The following ZBTB34 variants were observed in gnomAD, a reference collection of about 807,000 sequenced individuals.
ZBTB34 encodes zinc finger and BTB domain containing 34.
ZBTB34 carries 1 observed loss-of-function variant against 33.4 expected under a neutral mutation model. The ratio of observed to expected loss-of-function variants is 0.03; its 90% CI spans 0.01 to 0.14. The LOEUF (loss-of-function observed/expected upper bound fraction) is 0.14. ZBTB34 is among the 10% of genes least tolerant of loss of function. ZBTB34 has a pLI of 1.00. For missense variants in ZBTB34, 406 were observed against 657.2 expected, an observed-to-expected ratio of 0.62 and a Z score of 4.18; for synonymous variants, 283 against 253.5, an observed-to-expected ratio of 1.12 and a Z score of -1.11.
chr9:126,881,016 G>A, exon 2 of ZBTB34: 1 of 1,331,396 alleles, frequency 7.5e-7, no homozygotes, highest in Non-Finnish European at 1.0e-6. Context: ...GAAATCTCTT[G>A]GTCTCTTGGC....
At chr9:126,868,547 G>A (rs2033238492) in intron 1 of ZBTB34, among the ~76,000 whole-genome samples, 1 of 152,134 alleles carries the variant, frequency 6.6e-6, no homozygotes, top group Non-Finnish European at 1.5e-5. Context: ...CACAGCGTGT[G>A]TTCATTTCTC....
At chr9:126,863,787 TAGCCAGCAGTAAG>T (rs2033169344) in intron 1 of ZBTB34, 1 of 845,740 alleles carries the variant, frequency 1.2e-6, no homozygotes. Flanking sequence ...CCTGAAATGC[TAGCCAGCAGTAAG>T]CAGATAAGAT....
At chr9:126,871,668 T>A (rs535030502) in intron 1 of ZBTB34, among the ~76,000 whole-genome samples, 6 of 152,278 alleles carry the variant, frequency 3.9e-5, no homozygotes, top group Non-Finnish European at 8.8e-5. Context: ...GAACAGTTTA[T>A]GCTGATAGAT....
chr9:126,884,073 T>G (rs1413661151), exon 2 of ZBTB34: 2 of 167,070 alleles, frequency 1.2e-5, no homozygotes, highest in Non-Finnish European at 2.9e-5. Flanking sequence ...GATGCAGAAA[T>G]CAATTAAGAT....
intron 1 of ZBTB34, among the ~76,000 whole-genome samples, chr9:126,861,010 C>T (rs1367329335): frequency 6.6e-6 from 1 of 151,944 alleles, no homozygotes; most frequent in Admixed American, 6.5e-5. Flanking sequence ...GTCCCGGCGC[C>T]GCTGGCCCGG....
chr9:126,864,094 C>A (rs2033173223), intron 1 of ZBTB34, among the ~76,000 whole-genome samples: 1 of 152,126 alleles, frequency 6.6e-6, no homozygotes, highest in African/African-American at 2.4e-5. Context: ...CAGTAAGAAT[C>A]CAGCACCAAT....
exon 2 of ZBTB34, chr9:126,883,137 C>G (rs2033467181): frequency 6.0e-6 from 1 of 166,284 alleles, no homozygotes; most frequent in African/African-American, 2.4e-5. Flanking sequence ...TAAATATGTT[C>G]TGGGGTTTCA....
At chr9:126,872,379 A>C (rs574346432) in intron 1 of ZBTB34, among the ~76,000 whole-genome samples, 1 of 152,194 alleles carries the variant, frequency 6.6e-6, no homozygotes, top group East Asian at 1.9e-4. Context: ...TTGCCACTCT[A>C]CTCCAGCCTG....
chr9:126,874,203 G>A (rs1008261814), intron 1 of ZBTB34, among the ~76,000 whole-genome samples: 3 of 150,192 alleles, frequency 2.0e-5, no homozygotes, highest in South Asian at 2.1e-4. Context: ...CACCATGCCC[G>A]GCTAATTTTT....
intron 1 of ZBTB34, among the ~76,000 whole-genome samples, chr9:126,871,285 T>C (rs1340791486): frequency 2.0e-5 from 3 of 151,660 alleles, no homozygotes; most frequent in African/African-American, 7.3e-5. Flanking sequence ...AAGTACGTTG[T>C]GATATAGCCA....
chr9:126,869,753 T>C (rs2033254229), intron 1 of ZBTB34, among the ~76,000 whole-genome samples: 1 of 152,174 alleles, frequency 6.6e-6, no homozygotes, highest in Admixed American at 6.5e-5. Flanking sequence ...TCTCTTTCTT[T>C]GTAAGAAAGT....
chr9:126,867,757 AT>A (rs1443426373), intron 1 of ZBTB34, among the ~76,000 whole-genome samples: 1 of 141,710 alleles, frequency 7.1e-6, no homozygotes, highest in Non-Finnish European at 1.5e-5. Context: ...GTTGTCTTTC[AT>A]TTTTTTGTTT....
chr9:126,882,683 G>A (rs534221136), exon 2 of ZBTB34: 19 of 167,170 alleles, frequency 1.1e-4, no homozygotes, highest in South Asian at 2.1e-4. Context: ...AAAGAAAAAC[G>A]AACGAAGGAC....
intron 1 of ZBTB34, among the ~76,000 whole-genome samples, chr9:126,868,570 G>A (rs531785676): frequency 6.6e-6 from 1 of 152,170 alleles, no homozygotes; most frequent in African/African-American, 2.4e-5. Context: ...AAAGCTGCTC[G>A]CCTTCAGCTG....
intron 1 of ZBTB34, among the ~76,000 whole-genome samples, chr9:126,865,178 C>G (rs141954283): frequency 2.0e-5 from 3 of 152,216 alleles, no homozygotes; most frequent in African/African-American, 7.2e-5. Flanking sequence ...AGCCACCGTG[C>G]TAGATTTTGC....
At chr9:126,874,936 G>T (rs7043218) in intron 1 of ZBTB34, among the ~76,000 whole-genome samples, 1 of 152,144 alleles carries the variant, frequency 6.6e-6, no homozygotes. Context: ...AAAACTGATG[G>T]ATCCCTAGTG....
chr9:126,883,703 A>G (rs950702973), exon 2 of ZBTB34: 2 of 167,020 alleles, frequency 1.2e-5, no homozygotes, highest in African/African-American at 4.8e-5. Context: ...AGTGTTAAGA[A>G]TGAATTCTCA....
intron 1 of ZBTB34, among the ~76,000 whole-genome samples, chr9:126,874,436 A>C (rs1039672516): frequency 1.7e-4 from 26 of 151,828 alleles, no homozygotes; most frequent in African/African-American, 5.8e-4. Context: ...TATTTTTTAG[A>C]TATATAAAAG....
chr9:126,869,986 G>T (rs1374518985), intron 1 of ZBTB34, among the ~76,000 whole-genome samples: 1 of 152,080 alleles, frequency 6.6e-6, no homozygotes, highest in Non-Finnish European at 1.5e-5. Context: ...CAGAATTTTT[G>T]TTAAAATACG....
Sources: gnomAD v4.1 joint callset for allele counts (sites outside exome capture counted in the v4.1 genomes callset) on GRCh38, gnomAD v4.1.1 for gene constraint, MANE v1.5 for transcripts, NCBI Gene and HGNC (gene_info 2026-07-23, HGNC 2026-07-21) for gene names.